The following EFCAB5 variants were observed in gnomAD, a reference collection of about 807,000 sequenced individuals.
EFCAB5 encodes the protein EF-hand calcium binding domain 5, also known as EF-hand calcium-binding domain-containing protein 5.
Under a neutral mutation model 167.9 loss-of-function variants are expected in EFCAB5, and 131 were observed. The ratio of observed to expected loss-of-function variants is 0.78; its 90% CI spans 0.68 to 0.90. The LOEUF is 0.90. EFCAB5 is among the 40% of genes least tolerant of loss of function. The pLI is 0.00. For synonymous variants in EFCAB5, 574 were observed against 602.8 expected (o/e 0.95, Z 0.70); for missense variants, 1,663 against 1,745.2 (o/e 0.95, Z 0.84).
chr17:30,080,356 C>A, intron 16 of EFCAB5, 115 bp downstream of exon 16: 2 of 1,138,526 alleles, frequency 1.8e-6, no homozygotes, highest in Non-Finnish European at 2.4e-6. Context: ...CTCAAGTCAC[C>A]AGTGCTTCTG....
In EFCAB5 at chr17:30,073,975, A is replaced by G. The variant is rs150907342; in HGVS notation, c.2738-4240A>G. On this transcript the variant is annotated intron_variant, in intron 14 of 22. Transcript: ENST00000394835. ...TTCAGTCGTCCACCCTCCAATCCCC[A>G]AAGCAACCACTTTTCTATTTTCTAC... 454 of 205,130 alleles carry G rather than the reference A, an allele frequency of 2.2e-3. 1 individual carries two copies. Among genetic ancestry groups the G allele is most frequent in the African/African-American group, 6.5e-3 (284 of 43,666 alleles). 12.7% of individuals were successfully genotyped at this position (205,130 alleles called of 1,614,324 possible).
At chr17:29,986,679 C>T (rs1401927430) in intron 4 of EFCAB5, among the ~76,000 whole-genome samples, 2 of 109,038 alleles carry the variant, frequency 1.8e-5, no homozygotes, top group African/African-American at 7.4e-5. Flanking sequence ...GACGGAGTCT[C>T]GCTGTCGCCC....
At chr17:29,980,922 T>C (rs2068160924) in intron 4 of EFCAB5, among the ~76,000 whole-genome samples, 1 of 152,214 alleles carries the variant, frequency 6.6e-6, no homozygotes, top group African/African-American at 2.4e-5. Flanking sequence ...TCTGATGATC[T>C]CTCACTGTTC....
intron 22 of EFCAB5, among the ~76,000 whole-genome samples, chr17:30,098,281 T>C (rs1284771894): frequency 2.0e-5 from 3 of 150,660 alleles, no homozygotes; most frequent in Non-Finnish European, 4.4e-5. Flanking sequence ...TCCCAGCACT[T>C]TGGGAGGCTG....
intron 4 of EFCAB5, among the ~76,000 whole-genome samples, chr17:29,990,041 A>G (rs1163277037): frequency 1.3e-5 from 2 of 152,134 alleles, no homozygotes; most frequent in Non-Finnish European, 2.9e-5. Flanking sequence ...TGTGCTCCCC[A>G]TTGTGGTAAT....
intron 3 of EFCAB5, among the ~76,000 whole-genome samples, chr17:29,951,705 A>G (rs1264422746): frequency 6.6e-6 from 1 of 151,760 alleles, no homozygotes; most frequent in Non-Finnish European, 1.5e-5. Flanking sequence ...TTTTTTTCAA[A>G]TGAAAATTTC....
At position 30,059,570 on chromosome 17, in the gene EFCAB5, G is replaced by A. The variant is rs894068935; in HGVS notation, c.2606G>A (p.Arg869Gln). ...EQFSQNAFQV[R>Q]QRLLLEAIFQ... ...TTTAGCCAAAATGCTTTCCAAGTCC[G>A]ACAGAGGCTTCTCCTAGAAGCCATC... Residue 869 changes from arginine (R) to glutamine (Q), a missense_variant, in exon 14 of 23, where the codon CGA (arginine) becomes CAA (glutamine). Coordinates refer to ENST00000394835, the MANE Select transcript of EFCAB5 (RefSeq NM_198529.4). The A allele has an allele frequency of 2.4e-5, 38 of 1,606,928 alleles. No homozygotes were observed. The highest frequency in any genetic ancestry group is 3.4e-5 in the Admixed American group (2 of 58,884).
In EFCAB5 at chr17:30,069,348, G is replaced by A. The variant is rs563853662; in HGVS notation, c.2738-8867G>A. The A allele has an allele frequency of 1.2e-5, 18 of 1,558,180 alleles. No individual in the cohort carries two copies. In the African/African-American group the frequency reaches 1.5e-4, roughly 13 times the overall value. ...CAAATGTTTGAACAGGAAAATCAGC[G>A]ACTAATTGGTGAAATGAACAGCTTG... is the stretch of plus-strand genomic sequence containing the variant. On this transcript the variant is annotated intron_variant, in intron 14 of 22. Transcript: ENST00000394835.
At chr17:29,967,737 G>T (rs776658642) in intron 3 of EFCAB5, among the ~76,000 whole-genome samples, 1 of 152,098 alleles carries the variant, frequency 6.6e-6, no homozygotes, top group Non-Finnish European at 1.5e-5. Context: ...GGATATAGGT[G>T]CCTGTTCTCA....
rs377407663 is a variant in EFCAB5, at chr17:30,067,374, G to T, written c.2737+7673G>T. Among the ~76,000 whole-genome samples the T allele has an allele frequency of 3.3e-5, 5 of 152,246 alleles. No homozygotes were observed. In the East Asian group the frequency reaches 5.8e-4, roughly 18 times the overall value. The stretch of plus-strand genomic sequence containing the variant: ...CTTTACCTCTAATCCCAGCACTTTG[G>T]GGGGCCAGGGCAGGAGGCTCACTTG... On this transcript the variant is annotated intron_variant, in intron 14 of 22. Coordinates refer to ENST00000394835, the MANE Select transcript of EFCAB5 (RefSeq NM_198529.4).
chr17:30,078,581 C>CA (rs2070918326), intron 15 of EFCAB5, 77 bp downstream of exon 15: 1 of 1,423,074 alleles, frequency 7.0e-7, no homozygotes, highest in African/African-American at 1.4e-5. Flanking sequence ...AAAAGAGGAG[C>CA]ATCTTGAATT....
chr17:30,090,707 AG>A (rs1239231202), intron 20 of EFCAB5, 33 bp downstream of exon 20: 1 of 1,573,504 alleles, frequency 6.4e-7, no homozygotes, highest in Admixed American at 1.9e-5. Flanking sequence ...CTAAATTCAC[AG>A]GTTTAATAGG....
chr17:30,085,464 T>G (rs1344315692), intron 18 of EFCAB5, among the ~76,000 whole-genome samples: 2 of 152,238 alleles, frequency 1.3e-5, no homozygotes, highest in South Asian at 4.1e-4. Context: ...CTCACGCCTG[T>G]AATCCCAGCA....
At chr17:30,070,601 C>T (rs2070707262) in intron 14 of EFCAB5, among the ~76,000 whole-genome samples, 1 of 152,104 alleles carries the variant, frequency 6.6e-6, no homozygotes, top group Non-Finnish European at 1.5e-5. Context: ...AGAGTTACTT[C>T]AACAAATAAT....
At chr17:30,021,610 T>C (rs1376787178) in intron 7 of EFCAB5, among the ~76,000 whole-genome samples, 1 of 151,892 alleles carries the variant, frequency 6.6e-6, no homozygotes, top group Non-Finnish European at 1.5e-5. Context: ...CTTTCTCTTC[T>C]TGAAGTGCAA....
At position 30,080,899 on chromosome 17, in the gene EFCAB5, T is replaced by A; in HGVS notation, c.3344T>A (p.Ile1115Asn). The change falls in exon 17 of 23, where the codon ATC (isoleucine) becomes AAC (asparagine). Residue 1115 changes from isoleucine (I) to asparagine (N), a missense_variant. Transcript: ENST00000394835. Reference sequence around the variant, plus strand: ...CCTCTTCAAGATGCATATATGAGGATCTTTGGGGTCTTGGCTGTTGATACC... The same window carrying A: ...CCTCTTCAAGATGCATATATGAGGAACTTTGGGGTCTTGGCTGTTGATACC... ...ALPLQDAYMR[I>N]FGVLAVDTLR... is the part of the protein sequence containing the mutation. 6.2e-7 allele frequency: 1 copy of A among 1,613,810 alleles called. No homozygotes were observed. Among genetic ancestry groups the A allele is most frequent in the Non-Finnish European group, 8.5e-7 (1 of 1,179,848 alleles).
chr17:30,037,275 C>T (rs2069653220), intron 8 of EFCAB5, among the ~76,000 whole-genome samples: 1 of 152,120 alleles, frequency 6.6e-6, no homozygotes, highest in Non-Finnish European at 1.5e-5. Flanking sequence ...AAAGGACAGT[C>T]GGTGTGCAGA....
At chr17:30,079,357 A>T (rs1374048496) in intron 15 of EFCAB5, among the ~76,000 whole-genome samples, 5 of 152,206 alleles carry the variant, frequency 3.3e-5, no homozygotes, top group Non-Finnish European at 7.3e-5. Flanking sequence ...GAAGGAATAA[A>T]GGCAAAAGAA....
chr17:30,051,365 G>A (rs2070092491), intron 9 of EFCAB5, 148 bp downstream of exon 9: 1 of 602,212 alleles, frequency 1.7e-6, no homozygotes, highest in African/African-American at 1.9e-5. Context: ...CATGATAACT[G>A]TATCTAGTTG....
Sources: gnomAD v4.1 joint callset for allele counts (sites outside exome capture counted in the v4.1 genomes callset) on GRCh38, gnomAD v4.1.1 for gene constraint, MANE v1.5 for transcripts, NCBI Gene and HGNC (gene_info 2026-07-23, HGNC 2026-07-21) for gene names.